The following DKK3 variants were observed in gnomAD, a reference collection of about 807,000 sequenced individuals.
DKK3 encodes dickkopf-related protein 3.
DKK3 carries 22 observed loss-of-function variants against 33.2 expected under a neutral mutation model. That is an observed-to-expected ratio of 0.66 (90% confidence interval 0.47 to 0.95). The LOEUF (loss-of-function observed/expected upper bound fraction) is 0.95. DKK3 is among the 40% of genes least tolerant of loss of function. The pLI, the probability that DKK3 is intolerant of heterozygous loss-of-function variation, is 0.00. For missense variants in DKK3, 398 were observed against 458.4 expected (o/e 0.87, Z 1.20); for synonymous variants, 194 against 188.8 (o/e 1.03, Z -0.23).
chr11:11,982,055 C>T (rs1378989491), intron 3 of DKK3, among the ~76,000 whole-genome samples: 2 of 152,136 alleles, frequency 1.3e-5, no homozygotes, highest in Admixed American at 6.5e-5. Flanking sequence ...CCAGCATTGC[C>T]CCCGGTGATG....
At chr11:11,983,200 C>T (rs1465795191) in intron 3 of DKK3, among the ~76,000 whole-genome samples, 1 of 152,182 alleles carries the variant, frequency 6.6e-6, no homozygotes, top group Non-Finnish European at 1.5e-5. Flanking sequence ...CTGACTTGGC[C>T]TAGCTCAGTC....
intron 1 of DKK3, among the ~76,000 whole-genome samples, chr11:12,007,210 T>A (rs16910349): frequency 0.094 from 14,354 of 152,136 alleles, 2,204 homozygotes; most frequent in African/African-American, 0.33. Context: ...AGAAAGCAAC[T>A]TCCCCCTGGA....
At chr11:11,972,072 C>T (rs771234482) in intron 3 of DKK3, among the ~76,000 whole-genome samples, 7 of 152,170 alleles carry the variant, frequency 4.6e-5, no homozygotes, top group African/African-American at 1.4e-4. Context: ...TAGAGACTTC[C>T]GGACTCCAAG....
In DKK3 at chr11:12,003,085, C is replaced by A. The variant is rs114052915; in HGVS notation, c.214-648G>T. On this transcript the variant is annotated intron_variant, in intron 1 of 6. Transcript: ENST00000683431. ...GAGCCCTAGATGCCCGCAGCAGTAACCTGCTTGCAGGCATACCGTTGATTG... is the reference window on the plus strand; with the variant it reads ...GAGCCCTAGATGCCCGCAGCAGTAAACTGCTTGCAGGCATACCGTTGATTG... 6.6e-5 allele frequency among the ~76,000 whole-genome samples: 10 copies of A among 152,364 alleles called. No individual in the cohort carries two copies. In the South Asian group the frequency reaches 2.1e-3, roughly 32 times the overall value.
chr11:11,993,956 C>A (rs1334892622), intron 3 of DKK3, among the ~76,000 whole-genome samples: 1 of 152,096 alleles, frequency 6.6e-6, no homozygotes, highest in African/African-American at 2.4e-5. Flanking sequence ...TGTCTGTATC[C>A]CCAATCCTCA....
intron 3 of DKK3, among the ~76,000 whole-genome samples, chr11:11,991,919 C>A (rs903960028): frequency 2.0e-5 from 3 of 152,214 alleles, no homozygotes; most frequent in South Asian, 4.1e-4. Context: ...ACCATGCCCC[C>A]ACAATGCCCT....
At chr11:11,973,783 T>C (rs7928266) in intron 3 of DKK3, among the ~76,000 whole-genome samples, 3,193 of 152,286 alleles carry the variant, frequency 0.021, 87 homozygotes, top group African/African-American at 0.063. Flanking sequence ...AAAGGAGCCA[T>C]TCAGAGTCTT....
At chr11:11,986,276 C>T (rs1034118085) in intron 3 of DKK3, among the ~76,000 whole-genome samples, 6 of 152,132 alleles carry the variant, frequency 3.9e-5, no homozygotes, top group Non-Finnish European at 8.8e-5. Context: ...TTTTCCACAT[C>T]GCATCACTGA....
upstream of DKK3, chr11:12,009,164 T>C: frequency 1.0e-6 from 1 of 972,986 alleles, no homozygotes; most frequent in Non-Finnish European, 1.2e-6. Context: ...CCGCCGCCCC[T>C]CACCCACCCC....
Position 11,975,897 on chromosome 11 carries a change from C to T in DKK3, c.436-7410G>A, listed in dbSNP as rs527644832. Among the ~76,000 whole-genome samples, 40 of 152,328 alleles carry T rather than the reference C, an allele frequency of 2.6e-4. No homozygotes were observed. In the South Asian group the frequency reaches 5.4e-3, roughly 20 times the overall value. On this transcript the variant is annotated intron_variant, in intron 3 of 6. Coordinates refer to ENST00000683431, the MANE Select transcript of DKK3 (RefSeq NM_001018057.2). ...GCGCCCACACCTCGGTTCTAATACA[C>T]GTTCACTTACAAGCTAGGTGATCTT...
intron 1 of DKK3, among the ~76,000 whole-genome samples, chr11:12,007,496 C>T (rs929711192): frequency 6.6e-6 from 1 of 152,146 alleles, no homozygotes; most frequent in African/African-American, 2.4e-5. Context: ...CCTGGGCATG[C>T]GTGGGTGACC....
At chr11:11,984,515 C>T (rs572066268) in intron 3 of DKK3, among the ~76,000 whole-genome samples, 37 of 152,194 alleles carry the variant, frequency 2.4e-4, no homozygotes, top group Middle Eastern at 3.4e-3. Flanking sequence ...AAAATAAAAA[C>T]GCATTACTTT....
intron 3 of DKK3, among the ~76,000 whole-genome samples, chr11:11,989,263 T>C (rs1040707797): frequency 1.1e-4 from 17 of 152,208 alleles, no homozygotes; most frequent in Non-Finnish European, 2.1e-4. Flanking sequence ...TTTGCATACC[T>C]GTGTTCATAG....
chr11:11,966,507 A>G (rs2134987461), intron 5 of DKK3, among the ~76,000 whole-genome samples: 1 of 152,140 alleles, frequency 6.6e-6, no homozygotes, highest in East Asian at 1.9e-4. Context: ...TACAGGGAGG[A>G]CTAGTGGGCT....
chr11:12,002,425 C>A lies in DKK3; in HGVS notation c.226G>T (p.Glu76Ter), dbSNP rs1590556305. 6.2e-7 allele frequency: 1 copy of A among 1,612,932 alleles called. No homozygotes were observed. The highest frequency in any genetic ancestry group is 8.5e-7 in the Non-Finnish European group (1 of 1,179,634). Residue 76 changes from glutamate to a stop codon, truncating the protein, a stop_gained, in exon 2 of 7, where the codon GAA becomes TAA. Coordinates refer to ENST00000683431, the MANE Select transcript of DKK3 (RefSeq NM_001018057.2). LOFTEE classifies it high-confidence loss of function. ...TCTGATGATGCTTTAGCAGCAGCTTCTTCTGCCTCCATCTATTAAATCGAT... is the reference window on the plus strand; with the variant it reads ...TCTGATGATGCTTTAGCAGCAGCTTATTCTGCCTCCATCTATTAAATCGAT... ...RSAVEEMEAE[E>*]AAAKASSEVN...
chr11:11,966,101 G>T, intron 5 of DKK3, 136 bp from the exon 6 acceptor site: 1 of 1,091,186 alleles, frequency 9.2e-7, no homozygotes, highest in Non-Finnish European at 1.3e-6. Flanking sequence ...TGAAGATACG[G>T]AATGACAGGA....
intron 3 of DKK3, among the ~76,000 whole-genome samples, chr11:11,970,827 C>A (rs1754039198): frequency 6.6e-6 from 1 of 152,232 alleles, no homozygotes; most frequent in Non-Finnish European, 1.5e-5. Context: ...GGAATGCAGC[C>A]CTGCCCACTC....
chr11:11,964,613 T>C lies in DKK3; in HGVS notation c.904A>G (p.Arg302Gly). The C allele has an allele frequency of 1.9e-6, 3 of 1,614,196 alleles. No homozygotes were observed. Among genetic ancestry groups the C allele is most frequent in the Admixed American group, 1.7e-5 (1 of 60,032 alleles). Residue 302 changes from arginine to glycine, a missense_variant, in exon 7 of 7, where the codon AGA becomes GGA. Coordinates refer to ENST00000683431, the MANE Select transcript of DKK3 (RefSeq NM_001018057.2). ...ACTTCATACTCATCGGGGACCTCTC[T>C]GGGCAGCAGGATCTCCCCATCTTGG... ...RDQDGEILLP[R>G]EVPDEYEVGS...
intron 3 of DKK3, among the ~76,000 whole-genome samples, chr11:11,991,913 T>C (rs114355695): frequency 6.6e-6 from 1 of 152,206 alleles, no homozygotes; most frequent in Non-Finnish European, 1.5e-5. Flanking sequence ...CCCTGCACCA[T>C]GCCCCCACAA....
Sources: allele counts gnomAD v4.1 joint callset (sites outside exome capture counted in the v4.1 genomes callset), GRCh38; gene constraint gnomAD v4.1.1; transcripts MANE v1.5; gene names NCBI Gene and HGNC (gene_info 2026-07-23, HGNC 2026-07-21).